DUX4: variants seen among roughly 807,000 people sequenced by gnomAD.
DUX4 encodes the protein double homeobox protein 4.
At chr4:190,176,313 A>C (rs1742302278), downstream of DUX4, among the ~76,000 whole-genome samples, 1 of 114,762 alleles carries the variant, frequency 8.7e-6, no homozygotes, top group Admixed American at 1.0e-4. Context: ...CCCTGTAGGC[A>C]GAGCTTAGAC....
chr4:190,177,894 C>A (rs1356405990), downstream of DUX4, among the ~76,000 whole-genome samples: 15 of 7,918 alleles, frequency 1.9e-3, no homozygotes, highest in Non-Finnish European at 2.8e-3. Flanking sequence ...ATATCCTTGA[C>A]AAAAGTGACA....
chr4:190,178,561 C>CTT (rs1742432817), downstream of DUX4, among the ~76,000 whole-genome samples: 2 of 41,042 alleles, frequency 4.9e-5, no homozygotes, highest in Admixed American at 1.9e-4. Flanking sequence ...TTCACAACGC[C>CTT]CCCTGTAGGC....
downstream of DUX4, among the ~76,000 whole-genome samples, chr4:190,176,901 T>C (rs1241998331): frequency 4.0e-5 from 5 of 125,140 alleles, 1 homozygote; most frequent in Non-Finnish European, 5.4e-5. Context: ...ATCAGTGCAG[T>C]GATATGTCAC....
In DUX4 at chr4:190,174,214, C is replaced by A; in HGVS notation, c.441C>A (p.Ala147=). 1 of 47,998 alleles carries A rather than the reference C, an allele frequency of 2.1e-5. No individual in the cohort carries two copies. Among genetic ancestry groups the A allele is most frequent in the African/African-American group, 2.2e-4 (1 of 4,592 alleles). 3.0% of individuals were successfully genotyped at this position (47,998 alleles called of 1,614,324 possible). Residue 147 remains alanine, a synonymous_variant, in exon 1 of 2, where the codon GCC becomes GCA. Coordinates refer to ENST00000565211, the MANE Select transcript of DUX4 (RefSeq NM_001306068.3). ...RIQIWFQNRR[A]RHPGQGGRAP... The stretch of plus-strand genomic sequence containing the variant: ...AGATCTGGTTTCAGAATCGAAGGGC[C>A]AGGCACCCGGGACAGGGTGGCAGGG...
chr4:190,177,006 C>CAAA (rs1742336215), downstream of DUX4, among the ~76,000 whole-genome samples: 10 of 39,964 alleles, frequency 2.5e-4, no homozygotes, highest in African/African-American at 6.6e-4. Flanking sequence ...AGAGCCTAGG[C>CAAA]AAGACTTCCA....
downstream of DUX4, among the ~76,000 whole-genome samples, chr4:190,178,779 C>CTTGTACAATAGTTACATCA (rs1742450816): frequency 7.0e-6 from 1 of 142,290 alleles, no homozygotes; most frequent in Admixed American, 7.2e-5. Context: ...TAGGCCAAAG[C>CTTGTACAATAGTTACATCA]CTAGACAATA....
At chr4:190,178,026 CCCAGACA>C (rs2126571202), downstream of DUX4, among the ~76,000 whole-genome samples, 1 of 146,742 alleles carries the variant, frequency 6.8e-6, no homozygotes, top group Non-Finnish European at 1.5e-5. Context: ...GTAAGCAGAT[CCCAGACA>C]AGAGTTGCAT....
At chr4:190,183,896 A>C (rs1317646801) in intron 1 of DUX4, among the ~76,000 whole-genome samples, 3 of 121,502 alleles carry the variant, frequency 2.5e-5, no homozygotes, top group Admixed American at 9.2e-5. Context: ...TGGAGTCTGA[A>C]ATTGTCATGC....
chr4:190,180,131 A>G (rs1742532944), downstream of DUX4, among the ~76,000 whole-genome samples: 2 of 116,256 alleles, frequency 1.7e-5, no homozygotes, highest in African/African-American at 6.3e-5. Flanking sequence ...TGCCGCCAGT[A>G]GGCAGAGCCT....
intron 1 of DUX4, among the ~76,000 whole-genome samples, chr4:190,181,375 C>G (rs1486361628): frequency 0.012 from 4 of 326 alleles, no homozygotes; most frequent in African/African-American, 0.05. Flanking sequence ...TAGGCAGAGC[C>G]TAAACAAGAG....
intron 1 of DUX4, among the ~76,000 whole-genome samples, chr4:190,181,620 T>C (rs1742586311): frequency 1.5e-4 from 1 of 6,584 alleles, no homozygotes. Flanking sequence ...TGCAGAGATA[T>C]GTCAGAAAGC....
downstream of DUX4, among the ~76,000 whole-genome samples, chr4:190,177,530 AT>A (rs1354698711): frequency 0.039 from 3,627 of 93,952 alleles, no homozygotes; most frequent in Non-Finnish European, 0.053. Flanking sequence ...ATGTGTCACA[AT>A]TCCCCTTTAG....
At chr4:190,176,293 G>T (rs1301671443), downstream of DUX4, among the ~76,000 whole-genome samples, 17 of 113,344 alleles carry the variant, frequency 1.5e-4, 5 homozygotes, top group East Asian at 4.9e-3. Flanking sequence ...GGAGAGATCT[G>T]TCACAATGCC....
downstream of DUX4, among the ~76,000 whole-genome samples, chr4:190,176,000 G>T (rs1173681193): frequency 1.7e-4 from 19 of 110,380 alleles, 2 homozygotes; most frequent in Middle Eastern, 7.8e-3. Flanking sequence ...ACATCACTTA[G>T]GTGATCAGTG....
downstream of DUX4, among the ~76,000 whole-genome samples, chr4:190,178,885 A>AGT (rs1415331305): frequency 3.0e-5 from 3 of 99,542 alleles, no homozygotes; most frequent in East Asian, 3.1e-4. Context: ...ATCAGTGCAG[A>AGT]TCTATGTCAC....
chr4:190,181,504 G>T (rs1742576166), intron 1 of DUX4, among the ~76,000 whole-genome samples: 4,143 of 67,588 alleles, frequency 0.061, no homozygotes, highest in Middle Eastern at 0.15. Context: ...CCCCCTATAG[G>T]CAGAGCCTGG....
downstream of DUX4, among the ~76,000 whole-genome samples, chr4:190,176,311 G>C (rs1273577249): frequency 3.6e-4 from 40 of 111,140 alleles, no homozygotes; most frequent in Admixed American, 5.4e-4. Flanking sequence ...GCCCCTGTAG[G>C]CAGAGCTTAG....
At chr4:190,178,723 AC>A (rs1742446363), downstream of DUX4, among the ~76,000 whole-genome samples, 1 of 151,096 alleles carries the variant, frequency 6.6e-6, no homozygotes, top group Non-Finnish European at 1.5e-5. Context: ...TAGATGAGTT[AC>A]ATCACCTGGG....
chr4:190,182,302 G>T (rs1174826247), intron 1 of DUX4: 4 of 117,508 alleles, frequency 3.4e-5, no homozygotes, highest in African/African-American at 5.1e-5. Context: ...TTAGGCTTAG[G>T]GTTAGGCTTA....
Sources: allele counts gnomAD v4.1 joint callset (sites outside exome capture counted in the v4.1 genomes callset), GRCh38; gene constraint gnomAD v4.1.1; transcripts MANE v1.5; gene names NCBI Gene and HGNC (gene_info 2026-07-23, HGNC 2026-07-21).